LYRM4: variants seen among roughly 807,000 people sequenced by gnomAD.
LYRM4 encodes LYR motif-containing protein 4.
LYRM4 carries 9 observed loss-of-function variants against 11.7 expected under a neutral mutation model. That is an observed-to-expected ratio of 0.77 (90% CI 0.46 to 1.34). LYRM4 has a LOEUF of 1.34. LYRM4 is among the 40% of genes most tolerant of loss of function. LYRM4 has a pLI of 0.00. For missense variants in LYRM4, 133 were observed against 112.5 expected (o/e 1.18, Z -0.82); for synonymous variants, 42 against 40.4 (o/e 1.04, Z -0.15).
At chr6:5,221,968 G>A (rs139218064) in intron 1 of LYRM4, among the ~76,000 whole-genome samples, 55 of 152,278 alleles carry the variant, frequency 3.6e-4, no homozygotes, top group African/African-American at 1.3e-3. Flanking sequence ...TAACATCCTT[G>A]GGGTTATGGT....
the LYRM4 span, among the ~76,000 whole-genome samples, chr6:5,090,013 A>AGGACACACACACACAC: frequency 2.7e-5 from 1 of 36,602 alleles, no homozygotes; most frequent in Non-Finnish European, 5.1e-5. The surrounding 1 kb of genome is among the most constrained non-coding windows in gnomAD (Gnocchi z 4.8). Context: ...TCCTGAAAGG[A>AGGACACACACACACAC]AGACACACAC....
chr6:5,245,113 A>AATATATATATATAT (rs1158676783), intron 1 of LYRM4, among the ~76,000 whole-genome samples: 1 of 24,140 alleles, frequency 4.1e-5, no homozygotes, highest in African/African-American at 1.9e-4. Context: ...AAAAAAAAAA[A>AATATATATATATAT]ATATATATAT....
At chr6:5,234,924 C>T (rs1763451700) in intron 1 of LYRM4, among the ~76,000 whole-genome samples, 1 of 152,102 alleles carries the variant, frequency 6.6e-6, no homozygotes, top group Admixed American at 6.5e-5. Context: ...CCCCCTACTC[C>T]CAAACCCCCA....
chr6:5,037,619 GCGGC>G, the LYRM4 span, among the ~76,000 whole-genome samples: 1 of 74,856 alleles, frequency 1.3e-5, no homozygotes, highest in Admixed American at 1.8e-4. Context: ...CCCGGACGGG[GCGGC>G]TGGCCGGGCG....
intron 2 of LYRM4, among the ~76,000 whole-genome samples, chr6:5,138,487 C>CAAAAAAAAAAAAAAAAAAAAAAAAAAAA (rs765741377): frequency 2.0e-5 from 1 of 49,666 alleles, no homozygotes; most frequent in African/African-American, 8.3e-5. Context: ...ACCCTGTCTC[C>CAAAAAAAAAAAAAAAAAAAAAAAAAAAA]AAAAAAAAAA....
the LYRM4 span, among the ~76,000 whole-genome samples, chr6:5,060,982 T>G: frequency 6.6e-6 from 1 of 152,194 alleles, no homozygotes. Context: ...TACTGTTCTG[T>G]GTTCTTAAAT....
At chr6:5,155,325 C>CTT (rs1758350519) in intron 2 of LYRM4, among the ~76,000 whole-genome samples, 1 of 152,212 alleles carries the variant, frequency 6.6e-6, no homozygotes, top group East Asian at 1.9e-4. Flanking sequence ...AAGTGATCTG[C>CTT]CTGCCTTGGC....
chr6:5,095,470 TA>T, the LYRM4 span, among the ~76,000 whole-genome samples: 2 of 152,200 alleles, frequency 1.3e-5, no homozygotes, highest in Non-Finnish European at 2.9e-5. Flanking sequence ...CCGGATTGGT[TA>T]CAGCTTATTG....
At chr6:5,192,545 G>A (rs1760818117) in intron 2 of LYRM4, among the ~76,000 whole-genome samples, 1 of 152,134 alleles carries the variant, frequency 6.6e-6, no homozygotes, top group Non-Finnish European at 1.5e-5. Flanking sequence ...GGACAGTTAG[G>A]CCTTTGAGTC....
At chr6:5,199,990 T>C (rs545268359) in intron 2 of LYRM4, among the ~76,000 whole-genome samples, 6 of 152,238 alleles carry the variant, frequency 3.9e-5, no homozygotes, top group Non-Finnish European at 7.3e-5. Flanking sequence ...CCTGAAGGGC[T>C]GAAAAAATTT....
chr6:5,184,277 G>A (rs1286258813), intron 2 of LYRM4, among the ~76,000 whole-genome samples: 2 of 152,174 alleles, frequency 1.3e-5, no homozygotes, highest in Non-Finnish European at 2.9e-5. Flanking sequence ...TAAATGGCGA[G>A]TGGCATGGAG....
chr6:5,185,583 A>G (rs981852231), intron 2 of LYRM4, among the ~76,000 whole-genome samples: 1 of 152,166 alleles, frequency 6.6e-6, no homozygotes, highest in Non-Finnish European at 1.5e-5. Flanking sequence ...TCTAATATCT[A>G]GTCTCTGCCT....
At chr6:5,119,886 C>T (rs1290170596) in intron 2 of LYRM4, among the ~76,000 whole-genome samples, 1 of 149,482 alleles carries the variant, frequency 6.7e-6, no homozygotes, top group African/African-American at 2.5e-5. Context: ...TCCGCATCAT[C>T]ATAGGAAAGG....
At chr6:5,144,328 G>T in intron 2 of LYRM4, 1 of 1,523,918 alleles carries the variant, frequency 6.6e-7, no homozygotes, top group South Asian at 1.2e-5. Context: ...AAAAGAAGTG[G>T]CTTACGTGTA....
intron 2 of LYRM4, among the ~76,000 whole-genome samples, chr6:5,194,489 T>C (rs1760941386): frequency 6.6e-6 from 1 of 152,172 alleles, no homozygotes; most frequent in Non-Finnish European, 1.5e-5. Flanking sequence ...GAACTGGGCA[T>C]ACCTTCTGAA....
the LYRM4 span, chr6:5,067,105 G>T: frequency 3.8e-6 from 1 of 264,376 alleles, no homozygotes; most frequent in Non-Finnish European, 7.1e-6. Context: ...AAATTAAAGT[G>T]ATACAGACAA....
chr6:5,089,175 C>G, the LYRM4 span: 1 of 152,110 alleles, frequency 6.6e-6, no homozygotes, highest in Non-Finnish European at 1.5e-5. Context: ...TTCATATATG[C>G]TTATAAAAAC....
chr6:5,107,022 G>C (rs2127591476), downstream of LYRM4: 1 of 152,396 alleles, frequency 6.6e-6, no homozygotes, highest in South Asian at 2.1e-4. Context: ...CTCAGTTGGG[G>C]AGTACCCAGT....
intron 2 of LYRM4, among the ~76,000 whole-genome samples, chr6:5,114,942 T>C (rs941463565): frequency 5.9e-5 from 9 of 152,198 alleles, no homozygotes; most frequent in Admixed American, 3.3e-4. Context: ...AAATCACATA[T>C]AGATTTAAAA....
Sources: allele counts gnomAD v4.1 joint callset (sites outside exome capture counted in the v4.1 genomes callset), GRCh38; gene constraint gnomAD v4.1.1; non-coding constraint Gnocchi (gnomAD v3.1); transcripts MANE v1.5; gene names NCBI Gene and HGNC (gene_info 2026-07-23, HGNC 2026-07-21).